Variants in VPS33A observed in about 807,000 individuals in gnomAD.
VPS33A encodes the protein vacuolar protein sorting-associated protein 33A.
A neutral mutation model predicts 71.8 loss-of-function variants in VPS33A; 32 were observed. The ratio of observed to expected loss-of-function variants is 0.45; its 90% CI spans 0.34 to 0.60. The LOEUF is 0.60. Ranked by LOEUF, VPS33A falls within the 20% of genes least tolerant of loss-of-function variation. The pLI, the probability that VPS33A is intolerant of heterozygous loss-of-function variation, is 0.02. For synonymous variants in VPS33A, 311 were observed against 292.7 expected, an observed-to-expected ratio of 1.06 and a Z score of -0.64; for missense variants, 625 against 748.5, an observed-to-expected ratio of 0.84 and a Z score of 1.92.
At chr12:122,242,264 T>A in intron 8 of VPS33A, 118 bp downstream of exon 8, 2 of 1,220,282 alleles carry the variant, frequency 1.6e-6, no homozygotes, top group Non-Finnish European at 2.3e-6. Context: ...GAAGAACACG[T>A]GGTATTAAGA....
chr12:122,240,251 C>T (rs947129413), intron 8 of VPS33A, among the ~76,000 whole-genome samples: 5 of 152,172 alleles, frequency 3.3e-5, no homozygotes, highest in East Asian at 1.9e-4. Context: ...TCACTTGAGG[C>T]GGGGAGGCGG....
intron 8 of VPS33A, 84 bp downstream of exon 8, chr12:122,242,298 C>A: frequency 1.3e-6 from 2 of 1,525,660 alleles, no homozygotes; most frequent in African/African-American, 1.4e-5. Context: ...CCCGAAGAGG[C>A]ATTGTGGTGT....
chr12:122,265,660 G>T (rs770747491), intron 1 of VPS33A: 3 of 448,674 alleles, frequency 6.7e-6, no homozygotes, highest in Non-Finnish European at 1.4e-5. Context: ...TTCTCTACAA[G>T]ACTGAGGCTC....
intron 4 of VPS33A, among the ~76,000 whole-genome samples, chr12:122,256,638 GCAT>G (rs922600739): frequency 4.7e-5 from 7 of 150,078 alleles, no homozygotes; most frequent in South Asian, 2.1e-4. Context: ...AGCAGCAGCA[GCAT>G]CATAAACTCA....
chr12:122,240,714 A>G (rs768075647), intron 8 of VPS33A, among the ~76,000 whole-genome samples: 3 of 152,264 alleles, frequency 2.0e-5, no homozygotes, highest in Non-Finnish European at 2.9e-5. Context: ...GTAACAAACA[A>G]ACAAACTCAT....
At chr12:122,260,847 C>T (rs540732617) in intron 4 of VPS33A, among the ~76,000 whole-genome samples, 78 of 152,114 alleles carry the variant, frequency 5.1e-4, no homozygotes, top group Non-Finnish European at 6.2e-4. Flanking sequence ...TAGTGGCGCA[C>T]ACTTGTAATC....
chr12:122,261,364 T>A lies in VPS33A; in HGVS notation c.380A>T (p.Asp127Val). The A allele has an allele frequency of 1.2e-6, 2 of 1,613,928 alleles. No homozygotes were observed. Among genetic ancestry groups the A allele is most frequent in the Non-Finnish European group, 1.7e-6 (2 of 1,179,964 alleles). Reference sequence around the variant, plus strand: ...AATAAAGGATCCCAAGACACCCAGATCCTTCAACCGCTGTTCGCACAACAG... The same window carrying A: ...AATAAAGGATCCCAAGACACCCAGAACCTTCAACCGCTGTTCGCACAACAG... ...RSLLCEQRLKDLGVLGSFIHR... is the reference protein window; with the variant it reads ...RSLLCEQRLKVLGVLGSFIHR... Residue 127 changes from aspartate (D) to valine (V), a missense_variant, in exon 4 of 13, where the codon GAT becomes GTT. Coordinates refer to ENST00000267199, the MANE Select transcript of VPS33A (RefSeq NM_022916.6).
At chr12:122,252,561 C>T (rs968578502) in intron 4 of VPS33A, among the ~76,000 whole-genome samples, 7 of 151,710 alleles carry the variant, frequency 4.6e-5, no homozygotes, top group African/African-American at 1.2e-4. Flanking sequence ...TGAGCCACCG[C>T]GCCCAGCCGA....
chr12:122,246,094 G>A (rs1319085618), intron 6 of VPS33A, among the ~76,000 whole-genome samples: 1 of 152,124 alleles, frequency 6.6e-6, no homozygotes, highest in Non-Finnish European at 1.5e-5. Context: ...CATGGAGCTG[G>A]TGTAACTCTG....
At chr12:122,239,099 A>T (rs962488253) in intron 9 of VPS33A, among the ~76,000 whole-genome samples, 1 of 152,160 alleles carries the variant, frequency 6.6e-6, no homozygotes, top group Admixed American at 6.6e-5. Flanking sequence ...GCCTGTCTGG[A>T]CACGTCTGTC....
rs539127770 is a variant in VPS33A at position 122,231,136 on chromosome 12, C to T, written c.*1110G>A. 3.9e-5 allele frequency: 6 copies of T among 152,186 alleles called. No individual in the cohort carries two copies. Among genetic ancestry groups the T allele is most frequent in the Non-Finnish European group, 8.8e-5 (6 of 68,054 alleles). 9.4% of individuals were successfully genotyped at this position (152,186 alleles called of 1,614,324 possible). On this transcript the variant is annotated 3_prime_UTR_variant, in exon 13 of 13. Transcript: ENST00000267199. Reference sequence around the variant, plus strand: ...GATGGACAGAAGAGAAAACGGAAACCTCAATGGAGGCACCCACCACTGCTG... The same window carrying T: ...GATGGACAGAAGAGAAAACGGAAACTTCAATGGAGGCACCCACCACTGCTG...
intron 6 of VPS33A, among the ~76,000 whole-genome samples, chr12:122,247,140 G>A (rs1008876094): frequency 1.3e-5 from 2 of 152,114 alleles, no homozygotes; most frequent in Non-Finnish European, 1.5e-5. Flanking sequence ...GGATAATAAC[G>A]GATCTATGTT....
rs1346532326 is a variant in VPS33A, at chr12:122,239,905, C to G, written c.1137G>C (p.Glu379Asp). The change falls in exon 9 of 13, where the codon GAG becomes GAC. Residue 379 changes from glutamate (E) to aspartate (D), a missense_variant. Glu to Asp is a conservative substitution (Grantham distance 45). Transcript: ENST00000267199. ...DFFDKLTVEQ[E>D]FMSGIDTDKV... ...TATCAGTGTCTATTCCAGACATAAA[C>G]TCCTGTTCCACGGTTAATTTATCAA... 2.5e-6 allele frequency: 4 copies of G among 1,613,270 alleles called. No homozygotes were observed. The highest frequency in any genetic ancestry group is 3.4e-6 in the Non-Finnish European group (4 of 1,179,720).
rs1022892851 is a variant in VPS33A at position 122,249,121 on chromosome 12, T to G, written c.775+750A>C. On this transcript the variant is annotated intron_variant, in intron 6 of 12. Transcript: ENST00000267199. The stretch of plus-strand genomic sequence containing the variant: ...TTTATAAATATATTATAAATATAGT[T>G]TGGAATACACATACATATGCAGACA... The G allele has an allele frequency of 1.1e-4, 17 of 152,214 alleles. 1 individual carries two copies. Among genetic ancestry groups the G allele is most frequent in the Non-Finnish European group, 5.9e-5 (4 of 68,044 alleles). The allele number at this position is 152,214 out of a possible 1,614,324, so 9.4% of individuals were successfully genotyped here.
chr12:122,254,988 C>T (rs1954896941), intron 4 of VPS33A, among the ~76,000 whole-genome samples: 1 of 149,958 alleles, frequency 6.7e-6, no homozygotes, highest in Non-Finnish European at 1.5e-5. Context: ...GAGGTGGAGG[C>T]TGCAATGAGA....
At chr12:122,262,456 T>A (rs778258535) in intron 3 of VPS33A, among the ~76,000 whole-genome samples, 5 of 152,180 alleles carry the variant, frequency 3.3e-5, no homozygotes, top group South Asian at 2.1e-4. Context: ...TGACTCCCAC[T>A]CCTACTCTCC....
chr12:122,239,187 A>G (rs61954364), intron 9 of VPS33A, among the ~76,000 whole-genome samples: 12,143 of 152,284 alleles, frequency 0.08, 680 homozygotes, highest in Non-Finnish European at 0.12. Flanking sequence ...AGCAAAAAGT[A>G]TCAGTAATTG....
chr12:122,258,476 T>C (rs1954947559), intron 4 of VPS33A, among the ~76,000 whole-genome samples: 2 of 152,026 alleles, frequency 1.3e-5, no homozygotes, highest in Non-Finnish European at 2.9e-5. Flanking sequence ...GAGACTTGCA[T>C]TTAGAATCTA....
chr12:122,244,565 T>A lies in VPS33A; in HGVS notation c.969+4A>T. 6.3e-7 allele frequency: 1 copy of A among 1,584,862 alleles called. No homozygotes were observed. The highest frequency in any genetic ancestry group is 8.6e-7 in the Non-Finnish European group (1 of 1,156,918). Reference sequence around the variant, plus strand: ...TGCAGAATGACACCCAAAACTTGCCTCACCTCGAATGCTGCAGAGATGATC... The same window carrying A: ...TGCAGAATGACACCCAAAACTTGCCACACCTCGAATGCTGCAGAGATGATC... On this transcript the variant is annotated splice_donor_region_variant and intron_variant, in intron 7 of 12. Coordinates refer to ENST00000267199, the MANE Select transcript of VPS33A (RefSeq NM_022916.6).
Sources: gnomAD v4.1 joint callset for allele counts (sites outside exome capture counted in the v4.1 genomes callset) on GRCh38, gnomAD v4.1.1 for gene constraint, MANE v1.5 for transcripts, NCBI Gene and HGNC (gene_info 2026-07-23, HGNC 2026-07-21) for gene names.